The following ATIC variants were observed in gnomAD, a reference collection of about 807,000 sequenced individuals.
ATIC encodes the protein 5-aminoimidazole-4-carboxamide ribonucleotide formyltransferase/IMP cyclohydrolase.
A neutral mutation model predicts 72.5 loss-of-function variants in ATIC; 64 were observed. The ratio of observed to expected loss-of-function variants is 0.88; its 90% confidence interval spans 0.72 to 1.09. The LOEUF is 1.09. Ranked by LOEUF, ATIC falls within the 50% of genes least tolerant of loss-of-function variation. ATIC has a pLI of 0.00. For missense variants in ATIC, 787 were observed against 732.4 expected, an observed-to-expected ratio of 1.07 and a Z score of -0.86; for synonymous variants, 281 against 267.1, an observed-to-expected ratio of 1.05 and a Z score of -0.51.
chr2:215,366,775 C>T, the ATIC span, among the ~76,000 whole-genome samples: 1 of 152,258 alleles, frequency 6.6e-6, no homozygotes, highest in African/African-American at 2.4e-5. Flanking sequence ...TTGACATCCC[C>T]GCTCCCACAA....
rs754744202 is a variant in ATIC, at chr2:215,334,963, G to A, written c.967G>A (p.Asp323Asn). ...ATTTGGTGATTTTGTTGCATTGTCC[G>A]ATGTTTGTGATGTACCAACTGCAAA... ...SSFGDFVALS[D>N]VCDVPTAKII... Residue 323 changes from aspartate to asparagine, a missense_variant, in exon 10 of 16, where the codon GAT (aspartate) becomes AAT (asparagine). Transcript: ENST00000236959. 8.1e-6 allele frequency: 13 copies of A among 1,613,438 alleles called. No homozygotes were observed. Among genetic ancestry groups the A allele is most frequent in the East Asian group, 4.5e-5 (2 of 44,770 alleles).
At chr2:215,368,153 G>T in the ATIC span, 1 of 1,021,230 alleles carries the variant, frequency 9.8e-7, no homozygotes, top group Admixed American at 2.0e-5. Flanking sequence ...GGATTAAGAG[G>T]CATTCATCTG....
chr2:215,329,788 A>G (rs2052869710), intron 7 of ATIC, among the ~76,000 whole-genome samples: 1 of 151,936 alleles, frequency 6.6e-6, no homozygotes, highest in Non-Finnish European at 1.5e-5. Flanking sequence ...TTTGAGGCAG[A>G]GTCTTGCTCT....
At chr2:215,347,491 A>G in intron 14 of ATIC, 1 of 434,156 alleles carries the variant, frequency 2.3e-6, no homozygotes, top group Non-Finnish European at 4.5e-6. Flanking sequence ...CCGCCAGAAG[A>G]AAAGATCTAG....
chr2:215,336,774 G>A (rs922738457), intron 11 of ATIC, among the ~76,000 whole-genome samples: 2 of 152,174 alleles, frequency 1.3e-5, no homozygotes, highest in East Asian at 1.9e-4. Flanking sequence ...GAAAAGTCCT[G>A]AGAGTGAAAT....
intron 8 of ATIC, among the ~76,000 whole-genome samples, chr2:215,332,773 TG>T: frequency 6.6e-6 from 1 of 152,220 alleles, no homozygotes; most frequent in South Asian, 2.1e-4. Flanking sequence ...AATGTCCTAA[TG>T]CAATAGACTA....
chr2:215,312,568 T>G lies in ATIC; in HGVS notation c.90T>G (p.Asn30Lys). The change falls in exon 2 of 16, where the codon AAT (asparagine) becomes AAG (lysine). Residue 30 changes from asparagine to lysine, a missense_variant. By Grantham distance (94) the Asn-to-Lys change is moderately conservative (BLOSUM62 0). Transcript: ENST00000236959. Reference sequence around the variant, plus strand: ...GAAACCTGACCGCTCTTGGTTTGAATCTGGTCGCTTCCGGAGGGACTGCAA... The same window carrying G: ...GAAACCTGACCGCTCTTGGTTTGAAGCTGGTCGCTTCCGGAGGGACTGCAA... The part of the protein sequence containing the change: ...FARNLTALGL[N>K]LVASGGTAKA... 3 of 1,614,230 alleles carry G rather than the reference T, an allele frequency of 1.9e-6. No individual in the cohort carries two copies. Among genetic ancestry groups the G allele is most frequent in the Non-Finnish European group, 2.5e-6 (3 of 1,180,044 alleles).
At chr2:215,353,099 C>T (rs1416144429), downstream of ATIC, among the ~76,000 whole-genome samples, 5 of 152,142 alleles carry the variant, frequency 3.3e-5, no homozygotes, top group African/African-American at 4.8e-5. Flanking sequence ...GTTAAAAACA[C>T]GGACCATGTT....
At chr2:215,313,803 C>A (rs1280106447) in intron 2 of ATIC, among the ~76,000 whole-genome samples, 1 of 152,038 alleles carries the variant, frequency 6.6e-6, no homozygotes, top group African/African-American at 2.4e-5. Context: ...TTTCGGATGT[C>A]TTTTTGCGTC....
the ATIC span, chr2:215,364,961 C>G: frequency 4.4e-6 from 7 of 1,580,122 alleles, no homozygotes; most frequent in Admixed American, 1.1e-4. Context: ...GTATGTCTTC[C>G]CATCATCATA....
At chr2:215,358,134 A>G in the ATIC span, among the ~76,000 whole-genome samples, 1 of 152,216 alleles carries the variant, frequency 6.6e-6, no homozygotes, top group Non-Finnish European at 1.5e-5. Context: ...AGGGTGCCCT[A>G]CAGGTGTATA....
chr2:215,359,793 T>C, the ATIC span, among the ~76,000 whole-genome samples: 1 of 152,218 alleles, frequency 6.6e-6, no homozygotes, highest in African/African-American at 2.4e-5. Context: ...TTTAATATTC[T>C]TTGCCAGGTG....
chr2:215,352,343 AG>A (rs1453982053), downstream of ATIC, among the ~76,000 whole-genome samples: 1 of 152,192 alleles, frequency 6.6e-6, no homozygotes, highest in African/African-American at 2.4e-5. Flanking sequence ...GCACTTTGGG[AG>A]GCCGAGGTGG....
At chr2:215,323,536 G>A (rs2052792165) in intron 4 of ATIC, among the ~76,000 whole-genome samples, 1 of 152,026 alleles carries the variant, frequency 6.6e-6, no homozygotes, top group Non-Finnish European at 1.5e-5. Context: ...TAATACAATT[G>A]ATTTTTATAT....
At chr2:215,345,189 T>C (rs965970450) in intron 13 of ATIC, 1 of 387,002 alleles carries the variant, frequency 2.6e-6, no homozygotes, top group East Asian at 5.8e-5. Context: ...ATTGGTATTA[T>C]TTCCAGGGAA....
chr2:215,362,268 A>G, the ATIC span: 1 of 615,286 alleles, frequency 1.6e-6, no homozygotes, highest in Non-Finnish European at 2.9e-6. Flanking sequence ...TTATTACCAT[A>G]TCTTATACCT....
intron 13 of ATIC, chr2:215,345,273 C>T (rs1201475694): frequency 6.9e-6 from 2 of 288,590 alleles, no homozygotes; most frequent in African/African-American, 4.4e-5. Context: ...CACATTATTT[C>T]TTATGTTGTC....
chr2:215,331,704 T>C (rs2052896739), intron 7 of ATIC, among the ~76,000 whole-genome samples: 1 of 152,102 alleles, frequency 6.6e-6, no homozygotes, highest in African/African-American at 2.4e-5. Context: ...TAATTAGTGC[T>C]GGCCCACCAT....
At chr2:215,326,709 A>G in intron 6 of ATIC, 113 bp from the exon 7 acceptor site, 4 of 1,313,210 alleles carry the variant, frequency 3.0e-6, no homozygotes, top group Non-Finnish European at 4.4e-6. Context: ...TTGTGCAGCC[A>G]CCACATAGCA....
Sources: allele counts gnomAD v4.1 joint callset (sites outside exome capture counted in the v4.1 genomes callset), GRCh38; gene constraint gnomAD v4.1.1; transcripts MANE v1.5; gene names NCBI Gene and HGNC (gene_info 2026-07-23, HGNC 2026-07-21).